Variants in FRY observed in about 807,000 individuals in gnomAD.
FRY encodes FRY microtubule binding protein.
In FRY, 128 loss-of-function variants were observed where a neutral mutation model predicts 348.4. The ratio of observed to expected loss-of-function variants is 0.37; its 90% confidence interval spans 0.32 to 0.43. The LOEUF is 0.43. FRY is among the 20% of genes least tolerant of loss of function. The pLI is 1.00. For missense variants in FRY, 2,736 were observed against 3,695.2 expected, an observed-to-expected ratio of 0.74 and a Z score of 6.73; for synonymous variants, 1,370 against 1,374.7, an observed-to-expected ratio of 1.00 and a Z score of 0.08.
chr13:32,122,649 G>A (rs1014391326), intron 4 of FRY, among the ~76,000 whole-genome samples: 12 of 152,124 alleles, frequency 7.9e-5, no homozygotes, highest in Admixed American at 6.5e-4. Flanking sequence ...CCTACTGTCA[G>A]CACTCTTCTT....
intron 36 of FRY, among the ~76,000 whole-genome samples, chr13:32,220,642 G>A (rs1325763147): frequency 6.6e-6 from 1 of 152,192 alleles, no homozygotes; most frequent in Non-Finnish European, 1.5e-5. Flanking sequence ...TTTGAGGACA[G>A]AAAAATTTAA....
chr13:32,205,227 G>A (rs188942241), intron 31 of FRY, among the ~76,000 whole-genome samples: 1 of 148,340 alleles, frequency 6.7e-6, no homozygotes. Flanking sequence ...AAAAAAAGGT[G>A]TGCGATCAAA....
rs1390016070 is a variant in FRY at position 32,237,310 on chromosome 13, G to A, written c.5811-69G>A. ...TTCCCTCCTGCAGTGTTTCTCAGTGGACTTGAAAGGACTGGCTTTTGGTGA... is the reference window on the plus strand; with the variant it reads ...TTCCCTCCTGCAGTGTTTCTCAGTGAACTTGAAAGGACTGGCTTTTGGTGA... On this transcript the variant is annotated intron_variant, in intron 43 of 60. Coordinates refer to ENST00000542859, the MANE Select transcript of FRY (RefSeq NM_023037.3). The surrounding 1 kb of genome is among the most constrained non-coding windows in gnomAD (Gnocchi z 6.3). 6.8e-7 allele frequency: 1 copy of A among 1,477,290 alleles called. No homozygotes were observed. Among genetic ancestry groups the A allele is most frequent in the African/African-American group, 1.4e-5 (1 of 72,382 alleles). The allele number at this position is 1,477,290 out of a possible 1,614,324, so 91.5% of individuals were successfully genotyped here.
intron 17 of FRY, among the ~76,000 whole-genome samples, chr13:32,165,321 T>C (rs1438062064): frequency 6.6e-6 from 1 of 152,258 alleles, no homozygotes; most frequent in Non-Finnish European, 1.5e-5. Context: ...GCCTGTGTTG[T>C]GGAAAGTGGT....
rs748315264 is a variant in FRY, at chr13:32,155,658, G to A, written c.1647G>A (p.Met549Ile). ...SKTLTEEEAK[M>I]IGMSLYYSQV... ...CACTAACTGAAGAGGAAGCCAAAAT[G>A]ATAGGTGAGTTTCAGAAGTGCATAA... Residue 549 changes from methionine (M) to isoleucine (I), a missense_variant, in exon 15 of 61, where the codon ATG (methionine) becomes ATA (isoleucine). Physicochemically the swap from Met to Ile is conservative, Grantham distance 10. Coordinates refer to ENST00000542859, the MANE Select transcript of FRY (RefSeq NM_023037.3). 4 of 1,610,414 alleles carry A rather than the reference G, an allele frequency of 2.5e-6. No individual in the cohort carries two copies. Among genetic ancestry groups the A allele is most frequent in the Non-Finnish European group, 3.4e-6 (4 of 1,177,618 alleles).
intron 3 of FRY, among the ~76,000 whole-genome samples, chr13:32,111,811 T>C (rs78236166): frequency 0.021 from 3,185 of 152,304 alleles, 102 homozygotes; most frequent in East Asian, 0.13. Flanking sequence ...TTTTATTCAA[T>C]TGATTGATTC....
intron 2 of FRY, among the ~76,000 whole-genome samples, chr13:32,079,373 CAT>C (rs139045444): frequency 3.3e-5 from 5 of 151,654 alleles, no homozygotes; most frequent in African/African-American, 9.7e-5. Context: ...ATATATATCT[CAT>C]ATATATATAT....
chr13:32,083,807 T>C (rs1349711264), intron 2 of FRY, among the ~76,000 whole-genome samples: 1 of 152,156 alleles, frequency 6.6e-6, no homozygotes, highest in Non-Finnish European at 1.5e-5. Context: ...CATAGATTTT[T>C]CTCTAGTCCA....
At chr13:32,041,790 C>T (rs1416616731) in intron 1 of FRY, among the ~76,000 whole-genome samples, 1 of 152,116 alleles carries the variant, frequency 6.6e-6, no homozygotes, top group Non-Finnish European at 1.5e-5. Context: ...GTCTTGCCTG[C>T]TGATTTTATG....
rs746570551 is a variant in FRY, at chr13:32,078,918, T to C, written c.155T>C (p.Leu52Pro). ...AGGGAGAAAGGGCCGCCAACCATGC[T>C]ACCCATCAATGTGGACCCAGACAGT... is the stretch of plus-strand genomic sequence containing the variant. ...THREKGPPTM[L>P]PINVDPDSKP... The change falls in exon 2 of 61, where the codon CTA (leucine) becomes CCA (proline). Residue 52 changes from leucine to proline, a missense_variant. Transcript: ENST00000542859. 1 of 1,613,972 alleles carries C rather than the reference T, an allele frequency of 6.2e-7. No homozygotes were observed. Among genetic ancestry groups the C allele is most frequent in the Admixed American group, 1.7e-5 (1 of 60,026 alleles).
intron 8 of FRY, among the ~76,000 whole-genome samples, chr13:32,133,761 TTTC>T (rs1417690012): frequency 7.3e-6 from 1 of 136,678 alleles, no homozygotes; most frequent in African/African-American, 2.6e-5. Context: ...TCTTTCTTTC[TTTC>T]TTTCTTTTTT....
chr13:32,174,951 A>G (rs1447314269), intron 19 of FRY, among the ~76,000 whole-genome samples: 1 of 152,172 alleles, frequency 6.6e-6, no homozygotes, highest in East Asian at 1.9e-4. Context: ...TTTATGATAT[A>G]TAAATGAATC....
intron 1 of FRY, among the ~76,000 whole-genome samples, chr13:32,042,951 C>T (rs1872820199): frequency 1.3e-5 from 2 of 152,164 alleles, no homozygotes. Flanking sequence ...ACTAATAGTG[C>T]CATTAAGTAA....
intron 55 of FRY, among the ~76,000 whole-genome samples, chr13:32,271,530 GTGAC>G (rs1207373746): frequency 1.3e-5 from 2 of 152,218 alleles, no homozygotes; most frequent in African/African-American, 4.8e-5. Context: ...CAGTCCAGAA[GTGAC>G]TGACTGCCCA....
intron 59 of FRY, 91 bp from the exon 60 acceptor site, chr13:32,294,277 C>G (rs974980924): frequency 3.5e-6 from 3 of 850,948 alleles, no homozygotes; most frequent in Non-Finnish European, 5.9e-6. Context: ...TTATGCTTAA[C>G]CACACCCATA....
At chr13:32,117,277 T>C (rs1878356681) in intron 3 of FRY, 57 bp from the exon 4 acceptor site, 1 of 1,560,172 alleles carries the variant, frequency 6.4e-7, no homozygotes, top group African/African-American at 1.4e-5. Flanking sequence ...AAATAAAAAG[T>C]TTCTCAGTAA....
chr13:32,052,612 AGT>A (rs1873395504), intron 1 of FRY, among the ~76,000 whole-genome samples: 2 of 152,334 alleles, frequency 1.3e-5, no homozygotes, highest in East Asian at 3.9e-4. Flanking sequence ...TTCAGAACTC[AGT>A]GTGTGTTTTA....
chr13:32,196,207 G>A (rs1003630648), intron 29 of FRY, among the ~76,000 whole-genome samples: 1 of 152,140 alleles, frequency 6.6e-6, no homozygotes, highest in East Asian at 1.9e-4. Flanking sequence ...TCTCAAACAA[G>A]TTATCTACAC....
In FRY at chr13:32,124,353, G is replaced by C; in HGVS notation, c.532G>C (p.Val178Leu). 1 of 1,572,778 alleles carries C rather than the reference G, an allele frequency of 6.4e-7. No homozygotes were observed. Among genetic ancestry groups the C allele is most frequent in the Non-Finnish European group, 8.7e-7 (1 of 1,143,074 alleles). The change falls in exon 5 of 61, where the codon GTA becomes CTA. Residue 178 changes from valine to leucine, a missense_variant. By Grantham distance (32) the Val-to-Leu change is conservative. Transcript: ENST00000542859. Reference protein sequence around the residue: ...DLAIDFIFSLVLIEVLKQIPL... With the variant: ...DLAIDFIFSLLLIEVLKQIPL... ...CGCCATTGATTTTATTTTTTCTTTA[G>C]TATTAATAGAAGTTTTGAAACAGGT...
Sources: allele counts gnomAD v4.1 joint callset (sites outside exome capture counted in the v4.1 genomes callset), GRCh38; gene constraint gnomAD v4.1.1; non-coding constraint Gnocchi (gnomAD v3.1); transcripts MANE v1.5; gene names NCBI Gene and HGNC (gene_info 2026-07-23, HGNC 2026-07-21).